The following GTF3C1 variants were observed in gnomAD, a reference collection of about 807,000 sequenced individuals.
The protein encoded by GTF3C1 is general transcription factor IIIC subunit 1.
GTF3C1 carries 57 observed loss-of-function variants against 226.7 expected under a neutral mutation model. The ratio of observed to expected loss-of-function variants is 0.25; its 90% CI spans 0.20 to 0.31. GTF3C1 has a LOEUF of 0.31. GTF3C1 is among the 10% of genes least tolerant of loss of function. The pLI, the probability that GTF3C1 is intolerant of heterozygous loss-of-function variation, is 1.00. For synonymous variants in GTF3C1, 1,090 were observed against 1,084.8 expected (o/e 1.00, Z -0.09); for missense variants, 2,217 against 2,776.1 (o/e 0.80, Z 4.53).
chr16:27,508,763 C>A lies in GTF3C1; in HGVS notation c.1127-108G>T, dbSNP rs1036004856. ...AGACATTTTGATGCTGTGAAATTAA[C>A]AGACAGAACAAAACATACGCCATTT... On this transcript the variant is annotated intron_variant, in intron 7 of 36. Coordinates refer to ENST00000356183, the MANE Select transcript of GTF3C1 (RefSeq NM_001520.4). 5.0e-5 allele frequency: 38 copies of A among 758,898 alleles called. No individual in the cohort carries two copies. The Admixed American group carries it at 8.6e-4, about 17-fold the overall frequency. The allele number at this position is 758,898 out of a possible 1,614,324, so 47.0% of individuals were successfully genotyped here. A position where few individuals can be genotyped will look rare whatever the true frequency, so the allele number is the denominator to read the frequency against.
At chr16:27,485,677 G>A (rs1043971773) in intron 24 of GTF3C1, among the ~76,000 whole-genome samples, 11 of 152,152 alleles carry the variant, frequency 7.2e-5, no homozygotes, top group African/African-American at 2.4e-4. Context: ...AAACAGAATG[G>A]TATTAATTTG....
chr16:27,488,902 G>A, intron 21 of GTF3C1, 141 bp downstream of exon 21: 2 of 786,802 alleles, frequency 2.5e-6, no homozygotes, highest in Non-Finnish European at 4.3e-6. Flanking sequence ...GAATAAAACA[G>A]GCCAGGCACA....
chr16:27,496,168 C>T (rs1314127680), intron 14 of GTF3C1, among the ~76,000 whole-genome samples: 2 of 152,144 alleles, frequency 1.3e-5, no homozygotes, highest in East Asian at 3.9e-4. Flanking sequence ...CCCCCCTTCA[C>T]CTTCTGTCAT....
chr16:27,490,664 C>A (rs948493463), intron 19 of GTF3C1, among the ~76,000 whole-genome samples: 3 of 152,202 alleles, frequency 2.0e-5, no homozygotes, highest in Non-Finnish European at 4.4e-5. Context: ...ATATAAATAA[C>A]AGCAGCACCA....
At chr16:27,511,971 T>C (rs994841839) in intron 6 of GTF3C1, 70 bp from the exon 7 acceptor site, 78 of 1,535,726 alleles carry the variant, frequency 5.1e-5, no homozygotes, top group Non-Finnish European at 6.0e-5. Context: ...TGAGGGGTTC[T>C]GAAATATCAC....
At position 27,492,575 on chromosome 16, in the gene GTF3C1, T is replaced by C; in HGVS notation, c.2973+42A>G. On this transcript the variant is annotated intron_variant, in intron 18 of 36. Transcript: ENST00000356183. The surrounding 1 kb of genome is among the most constrained non-coding windows in gnomAD (Gnocchi z 5.0). ...TGGGTCTGGCTGCTTGGAGACCGTT[T>C]AACAATCAGAATTTCCTTCGTTTGG... is the stretch of plus-strand genomic sequence containing the variant. The C allele has an allele frequency of 6.5e-7, 1 of 1,544,864 alleles. No individual in the cohort carries two copies. Among genetic ancestry groups the C allele is most frequent in the Non-Finnish European group, 9.0e-7 (1 of 1,116,898 alleles).
At position 27,464,073 on chromosome 16, in the gene GTF3C1, C is replaced by T. The variant is rs978634300; in HGVS notation, c.5872+247G>A. On this transcript the variant is annotated intron_variant, in intron 34 of 36. Coordinates refer to ENST00000356183, the MANE Select transcript of GTF3C1 (RefSeq NM_001520.4). ...GCTGCAGTGCACACGCTGGCCCCAC[C>T]GCCTGAGCTCCTGCTCTGGAACTCA... 39 of 434,568 alleles carry T rather than the reference C, an allele frequency of 9.0e-5. 1 individual carries two copies. The highest frequency in any genetic ancestry group is 2.1e-5 in the African/African-American group (1 of 48,676). 26.9% of individuals were successfully genotyped at this position (434,568 alleles called of 1,614,324 possible). A position where few individuals can be genotyped will look rare whatever the true frequency, so the allele number is the denominator to read the frequency against.
Position 27,462,504 on chromosome 16 carries a change from G to C in GTF3C1, c.5925-18C>G, listed in dbSNP as rs2087720843. ...CACAGTCCCTGCAGGGAGAGGGCTT[G>C]ACATCAGGGCTTGGTGGGGGCAGGA... On this transcript the variant is annotated intron_variant, in intron 35 of 36. Coordinates refer to ENST00000356183, the MANE Select transcript of GTF3C1 (RefSeq NM_001520.4). This position sits in a 1 kb window ranked among gnomAD's most constrained non-coding sequence, Gnocchi z 4.5. The C allele has an allele frequency of 6.2e-7, 1 of 1,605,176 alleles. No homozygotes were observed. Among genetic ancestry groups the C allele is most frequent in the Non-Finnish European group, 8.5e-7 (1 of 1,172,714 alleles).
Position 27,494,901 on chromosome 16 carries a change from G to A in GTF3C1, c.2640C>T (p.Val880=), listed in dbSNP as rs781647981. 8.7e-6 allele frequency: 14 copies of A among 1,613,202 alleles called. No homozygotes were observed. The highest frequency in any genetic ancestry group is 1.1e-5 in the Non-Finnish European group (13 of 1,179,464). ...TGTAGCGCATCCACGAGGCATCGTC[G>A]ACATACACTAGGAAAAAAACGCACG... is the stretch of plus-strand genomic sequence containing the variant. The part of the protein sequence containing the change: ...EVELATETVY[V]DDASWMRYIP... The change falls in exon 16 of 37, where the codon GTC becomes GTT. Residue 880 remains valine, a synonymous_variant. Coordinates refer to ENST00000356183, the MANE Select transcript of GTF3C1 (RefSeq NM_001520.4).
intron 14 of GTF3C1, among the ~76,000 whole-genome samples, chr16:27,497,148 C>A (rs998796746): frequency 1.1e-4 from 16 of 152,170 alleles, no homozygotes; most frequent in Admixed American, 5.2e-4. Flanking sequence ...AGCTGAGCAT[C>A]CTGATTATAA....
rs749483944 is a variant in GTF3C1, at chr16:27,469,397, G to A, written c.4968C>T (p.Ile1656=). The change falls in exon 32 of 37, where the codon ATC becomes ATT. Residue 1656 remains isoleucine, a synonymous_variant. Coordinates refer to ENST00000356183, the MANE Select transcript of GTF3C1 (RefSeq NM_001520.4). This position sits in a 1 kb window ranked among gnomAD's most constrained non-coding sequence, Gnocchi z 4.5. ...TGGGGTTGAGGTTGCGGGTGCTGAC[G>A]ATGCCGGGGGAGTAGTAGCCCCTCA... ...LLMRGYYSPG[I]VSTRNLNPND... 1.1e-5 allele frequency: 18 copies of A among 1,613,568 alleles called. No individual in the cohort carries two copies. The East Asian group carries it at 3.3e-4, about 30-fold the overall frequency.
At chr16:27,519,259 AG>A (rs2088708851) in intron 6 of GTF3C1, among the ~76,000 whole-genome samples, 1 of 152,230 alleles carries the variant, frequency 6.6e-6, no homozygotes, top group South Asian at 2.1e-4. Flanking sequence ...GGGAGAGGGC[AG>A]GAATGAAGGT....
intron 14 of GTF3C1, among the ~76,000 whole-genome samples, chr16:27,496,505 C>T (rs532105361): frequency 1.3e-5 from 2 of 152,288 alleles, no homozygotes; most frequent in Non-Finnish European, 1.5e-5. Context: ...CTCCACCTCC[C>T]TGGTTCAAGC....
chr16:27,484,743 ATGT>A (rs2088109736), intron 24 of GTF3C1, among the ~76,000 whole-genome samples: 2 of 152,344 alleles, frequency 1.3e-5, no homozygotes, highest in Admixed American at 1.3e-4. Context: ...AACGTTCTGT[ATGT>A]TGTGCTTGTA....
At chr16:27,518,750 T>G (rs1010662301) in intron 6 of GTF3C1, among the ~76,000 whole-genome samples, 4 of 152,168 alleles carry the variant, frequency 2.6e-5, no homozygotes, top group Non-Finnish European at 5.9e-5. Flanking sequence ...GGAAGGACAA[T>G]GTGCTCAGGC....
intron 6 of GTF3C1, among the ~76,000 whole-genome samples, chr16:27,512,209 G>C (rs535164291): frequency 2.0e-5 from 3 of 152,294 alleles, no homozygotes; most frequent in Non-Finnish European, 4.4e-5. Flanking sequence ...CTGGAGACCA[G>C]CTCCATGACA....
intron 4 of GTF3C1, among the ~76,000 whole-genome samples, chr16:27,534,987 G>T (rs1178578471): frequency 1.3e-5 from 2 of 151,872 alleles, no homozygotes; most frequent in Non-Finnish European, 2.9e-5. Context: ...TAAGAAAAAG[G>T]TATGTCATTG....
At chr16:27,522,749 AT>A (rs1488486640) in intron 6 of GTF3C1, among the ~76,000 whole-genome samples, 1 of 152,228 alleles carries the variant, frequency 6.6e-6, no homozygotes. Flanking sequence ...GATGTTTTCC[AT>A]TTACATAAAT....
rs965056061 is a variant in GTF3C1 at position 27,471,891 on chromosome 16, G to A, written c.4383C>T (p.Asp1461=). ...CCATGAAGGCCTTCACAAGAACGTG[G>A]TCCTTGTACTCCCGATAGAGGCGGA... ...QTFRLYREYK[D]HVLVKAFMEC... The change falls in exon 30 of 37, where the codon GAC becomes GAT. Residue 1461 remains aspartate, a synonymous_variant. Coordinates refer to ENST00000356183, the MANE Select transcript of GTF3C1 (RefSeq NM_001520.4). This position sits in a 1 kb window ranked among gnomAD's most constrained non-coding sequence, Gnocchi z 5.0. 6.2e-7 allele frequency: 1 copy of A among 1,614,126 alleles called. No homozygotes were observed. The highest frequency in any genetic ancestry group is 1.7e-5 in the Admixed American group (1 of 60,020).
Sources: allele counts gnomAD v4.1 joint callset (sites outside exome capture counted in the v4.1 genomes callset), GRCh38; gene constraint gnomAD v4.1.1; non-coding constraint Gnocchi (gnomAD v3.1); transcripts MANE v1.5; gene names NCBI Gene and HGNC (gene_info 2026-07-23, HGNC 2026-07-21).